The following SLC4A4 variants were observed in gnomAD, a reference collection of about 807,000 sequenced individuals.
SLC4A4 encodes the protein solute carrier family 4 member 4.
SLC4A4 carries 27 observed loss-of-function variants against 111.5 expected under a neutral mutation model. The observed-to-expected ratio is 0.24, with a 90% CI of 0.18 to 0.33. SLC4A4 has a LOEUF of 0.33. SLC4A4 is among the 10% of genes least tolerant of loss of function. The probability of loss-of-function intolerance (pLI) is 1.00; values close to 1 mark genes in which losing one functional copy is unlikely to be tolerated. For missense variants in SLC4A4, 909 were observed against 1,315.5 expected, an observed-to-expected ratio of 0.69 and a Z score of 4.78; for synonymous variants, 443 against 463.4, an observed-to-expected ratio of 0.96 and a Z score of 0.57.
chr4:71,103,263 T>C (rs1253598929), intron 2 of SLC4A4, among the ~76,000 whole-genome samples: 1 of 151,478 alleles, frequency 6.6e-6, no homozygotes. Flanking sequence ...GCACCCAGAT[T>C]CATAAAGCAA....
intron 3 of SLC4A4, among the ~76,000 whole-genome samples, chr4:71,287,895 C>CT (rs571787510): frequency 5.3e-5 from 8 of 151,288 alleles, no homozygotes; most frequent in Non-Finnish European, 1.0e-4. Context: ...TTGGCAGTAT[C>CT]TTTTTTTTTA....
chr4:71,312,228 T>A (rs192361029), intron 3 of SLC4A4, among the ~76,000 whole-genome samples: 8 of 152,142 alleles, frequency 5.3e-5, no homozygotes, highest in Non-Finnish European at 1.2e-4. Context: ...CAGGGAGAAG[T>A]TGAGTCCCTG....
At chr4:71,282,350 A>G (rs1560844456) in intron 3 of SLC4A4, among the ~76,000 whole-genome samples, 1 of 151,648 alleles carries the variant, frequency 6.6e-6, no homozygotes, top group Non-Finnish European at 1.5e-5. Flanking sequence ...CTGGAGTGCA[A>G]TCTCAGCTCA....
At chr4:71,540,685 T>A (rs191598015) in intron 18 of SLC4A4, among the ~76,000 whole-genome samples, 1 of 152,160 alleles carries the variant, frequency 6.6e-6, no homozygotes, top group Non-Finnish European at 1.5e-5. Context: ...AAGGTTGGAA[T>A]TGACCATGCC....
intron 8 of SLC4A4, among the ~76,000 whole-genome samples, chr4:71,444,229 G>A (rs1412768241): frequency 6.6e-6 from 1 of 152,102 alleles, no homozygotes; most frequent in African/African-American, 2.4e-5. Context: ...TAATTATTTT[G>A]TGAATGTGAG....
At chr4:71,459,767 C>T (rs556598797) in intron 12 of SLC4A4, among the ~76,000 whole-genome samples, 2 of 152,108 alleles carry the variant, frequency 1.3e-5, no homozygotes, top group South Asian at 4.2e-4. Flanking sequence ...AAGGCTATAC[C>T]AGTTCATATG....
At chr4:71,274,736 C>T (rs954089851) in intron 3 of SLC4A4, among the ~76,000 whole-genome samples, 3 of 152,082 alleles carry the variant, frequency 2.0e-5, no homozygotes, top group Admixed American at 6.6e-5. Flanking sequence ...TTGGACACTT[C>T]GTTTAATGTT....
intron 2 of SLC4A4, among the ~76,000 whole-genome samples, chr4:71,120,998 C>T (rs369800669): frequency 1.2e-4 from 18 of 152,196 alleles, no homozygotes; most frequent in Non-Finnish European, 1.9e-4. Context: ...GGTGGGCACG[C>T]GCTCGGTAGG....
intron 16 of SLC4A4, among the ~76,000 whole-genome samples, chr4:71,528,769 A>G (rs912849308): frequency 6.6e-6 from 1 of 152,070 alleles, no homozygotes; most frequent in Non-Finnish European, 1.5e-5. Context: ...TCAACAACGT[A>G]TAATATTATG....
At chr4:71,287,548 A>C (rs1369203788) in intron 3 of SLC4A4, among the ~76,000 whole-genome samples, 1 of 152,198 alleles carries the variant, frequency 6.6e-6, no homozygotes, top group Non-Finnish European at 1.5e-5. Flanking sequence ...TGCCTTTGGC[A>C]GTATAGTCTT....
chr4:71,466,722 T>C, intron 13 of SLC4A4, 145 bp downstream of exon 13: 1 of 810,306 alleles, frequency 1.2e-6, no homozygotes, highest in East Asian at 2.7e-5. Context: ...TGAAAGGGCC[T>C]TAGCAATTAG....
At chr4:71,290,445 A>T (rs1474908397) in intron 3 of SLC4A4, among the ~76,000 whole-genome samples, 1 of 152,222 alleles carries the variant, frequency 6.6e-6, no homozygotes, top group Admixed American at 6.5e-5. Context: ...TAACTGAAGC[A>T]TAGAGGTCAA....
intron 3 of SLC4A4, among the ~76,000 whole-genome samples, chr4:71,260,684 G>C (rs1286971803): frequency 6.6e-6 from 1 of 152,202 alleles, no homozygotes; most frequent in Non-Finnish European, 1.5e-5. Context: ...TTGCTGGAAA[G>C]GGAGCATATC....
At chr4:71,237,206 T>C (rs1719873067) in intron 2 of SLC4A4, among the ~76,000 whole-genome samples, 1 of 152,206 alleles carries the variant, frequency 6.6e-6, no homozygotes, top group Admixed American at 6.5e-5. Flanking sequence ...TGTTTCCTAG[T>C]GCCTGTTAAA....
intron 1 of SLC4A4, among the ~76,000 whole-genome samples, chr4:71,074,929 T>C (rs559580422): frequency 6.6e-6 from 1 of 152,312 alleles, no homozygotes; most frequent in African/African-American, 2.4e-5. Flanking sequence ...CTTCTACTTC[T>C]GGTACAGTGT....
chr4:71,239,551 C>A (rs1244633948), intron 2 of SLC4A4, among the ~76,000 whole-genome samples: 2 of 152,152 alleles, frequency 1.3e-5, no homozygotes, highest in Admixed American at 1.3e-4. Context: ...GGTGGCATGA[C>A]ACTTAATCCA....
chr4:71,390,111 AT>A (rs1242074872), intron 6 of SLC4A4, among the ~76,000 whole-genome samples: 1 of 151,618 alleles, frequency 6.6e-6, no homozygotes, highest in East Asian at 1.9e-4. Flanking sequence ...ATTTTATTTT[AT>A]TTTTTTTCAC....
intron 16 of SLC4A4, among the ~76,000 whole-genome samples, chr4:71,530,161 G>T (rs1420378289): frequency 6.6e-6 from 1 of 151,944 alleles, no homozygotes; most frequent in Non-Finnish European, 1.5e-5. Flanking sequence ...TTATTTCTTG[G>T]ATTTGAAGTT....
At chr4:71,206,339 A>G (rs1446725300) in intron 1 of SLC4A4, among the ~76,000 whole-genome samples, 1 of 152,230 alleles carries the variant, frequency 6.6e-6, no homozygotes, top group East Asian at 1.9e-4. Context: ...TCATGAAACT[A>G]TAGCCACATT....
Sources: gnomAD v4.1 joint callset for allele counts (sites outside exome capture counted in the v4.1 genomes callset) on GRCh38, gnomAD v4.1.1 for gene constraint, MANE v1.5 for transcripts, NCBI Gene and HGNC (gene_info 2026-07-23, HGNC 2026-07-21) for gene names.